XXYLT1: variants seen among roughly 807,000 people sequenced by gnomAD.
XXYLT1 encodes the protein UDP-xylose:alpha-xyloside alpha-1,3-xylosyltransferase.
Under a neutral mutation model 28.9 loss-of-function variants are expected in XXYLT1, and 20 were observed. That is an observed-to-expected ratio of 0.69 (90% confidence interval 0.49 to 1.00). The LOEUF (loss-of-function observed/expected upper bound fraction) is 1.00. XXYLT1 is among the 50% of genes least tolerant of loss of function. The probability of loss-of-function intolerance (pLI) is 0.00; values close to 1 mark genes in which losing one functional copy is unlikely to be tolerated. For missense variants in XXYLT1, 542 were observed against 560.1 expected, an observed-to-expected ratio of 0.97 and a Z score of 0.33; for synonymous variants, 257 against 253.8, an observed-to-expected ratio of 1.01 and a Z score of -0.12.
intron 2 of XXYLT1, among the ~76,000 whole-genome samples, chr3:195,197,478 T>A (rs1156469510): frequency 4.0e-5 from 6 of 150,798 alleles, no homozygotes; most frequent in Non-Finnish European, 8.8e-5. Flanking sequence ...TATTTCAAAG[T>A]GTCTTCAAAG....
intron 2 of XXYLT1, chr3:195,175,550 G>A (rs1721622170): frequency 6.5e-7 from 1 of 1,530,710 alleles, no homozygotes; most frequent in African/African-American, 1.4e-5. Context: ...AGATTCCTAG[G>A]GGTAGTTAGG....
chr3:195,208,859 C>A (rs1286096877), intron 2 of XXYLT1, among the ~76,000 whole-genome samples: 1 of 152,072 alleles, frequency 6.6e-6, no homozygotes, highest in Non-Finnish European at 1.5e-5. Flanking sequence ...GCCACGACAC[C>A]CAGCAGGGGG....
intron 2 of XXYLT1, among the ~76,000 whole-genome samples, chr3:195,179,574 C>A (rs909637452): frequency 6.6e-6 from 1 of 152,016 alleles, no homozygotes; most frequent in Non-Finnish European, 1.5e-5. Flanking sequence ...AAGAGGCCTG[C>A]GTGTGTGGAG....
chr3:195,088,292 A>C (rs1715896146), intron 3 of XXYLT1, among the ~76,000 whole-genome samples: 1 of 149,526 alleles, frequency 6.7e-6, no homozygotes, highest in Non-Finnish European at 1.5e-5. Context: ...CCTGTCTGAC[A>C]GCTTTGAAGA....
At chr3:195,201,299 T>C (rs778107082) in intron 2 of XXYLT1, among the ~76,000 whole-genome samples, 1 of 152,154 alleles carries the variant, frequency 6.6e-6, no homozygotes, top group African/African-American at 2.4e-5. Context: ...GGAAGGGCCC[T>C]TGCTCCCAGC....
chr3:195,115,385 G>A lies in XXYLT1; in HGVS notation c.785+41064C>T, dbSNP rs777576034. Among the ~76,000 whole-genome samples the A allele has an allele frequency of 6.6e-6, 1 of 152,130 alleles. No homozygotes were observed. Among genetic ancestry groups the A allele is most frequent in the Non-Finnish European group, 1.5e-5 (1 of 68,024 alleles). ...CCTAGAGAGTCCAGGAATGGCTGTG[G>A]GCTGGCAACAGCTGCTTCTGAACTA... is the stretch of plus-strand genomic sequence containing the variant. On this transcript the variant is annotated intron_variant, in intron 3 of 3. Coordinates refer to ENST00000310380, the MANE Select transcript of XXYLT1 (RefSeq NM_152531.5). This position sits in a 1 kb window ranked among gnomAD's most constrained non-coding sequence, Gnocchi z 4.2.
rs998296031 is a variant in XXYLT1 at position 195,124,533 on chromosome 3, G to A, written c.785+31916C>T. ...CCTCCCCCTCTAGACTGTGAATTCC[G>A]TGGGGGCAAGGACCACGTTTGTTTT... On this transcript the variant is annotated intron_variant, in intron 3 of 3. Transcript: ENST00000310380. The surrounding 1 kb of genome is among the most constrained non-coding windows in gnomAD (Gnocchi z 4.1). Among the ~76,000 whole-genome samples the A allele has an allele frequency of 2.0e-5, 3 of 152,148 alleles. No individual in the cohort carries two copies. Among genetic ancestry groups the A allele is most frequent in the African/African-American group, 4.8e-5 (2 of 41,430 alleles).
At chr3:195,109,665 G>GGTATA (rs1717372530) in intron 3 of XXYLT1, among the ~76,000 whole-genome samples, 1 of 138,272 alleles carries the variant, frequency 7.2e-6, no homozygotes, top group Non-Finnish European at 1.6e-5. Context: ...GTGCGTGTGT[G>GGTATA]TGGTGTGTGT....
chr3:195,240,613 C>A lies in XXYLT1; in HGVS notation c.505-13757G>T, dbSNP rs77659640. 0.031 allele frequency among the ~76,000 whole-genome samples: 4,710 copies of A among 152,378 alleles called. 142 individuals are homozygous for A. The highest frequency in any genetic ancestry group is 0.1 in the East Asian group (538 of 5,188). On this transcript the variant is annotated intron_variant, in intron 1 of 3. Transcript: ENST00000310380. This position sits in a 1 kb window ranked among gnomAD's most constrained non-coding sequence, Gnocchi z 4.7. ...CCAAGGCCTGTTTGAAGAACAGCCA[C>A]TCCTCTGGCCACAGACAGCAACGCC...
intron 2 of XXYLT1, chr3:195,175,781 C>T: frequency 1.3e-6 from 2 of 1,506,186 alleles, no homozygotes; most frequent in African/African-American, 1.4e-5. Context: ...CTGGAAGCCA[C>T]ATGCTCCAGA....
At chr3:195,204,468 A>ACTCTCTCT (rs1316535464) in intron 2 of XXYLT1, among the ~76,000 whole-genome samples, 2 of 114,840 alleles carry the variant, frequency 1.7e-5, no homozygotes, top group African/African-American at 7.6e-5. Context: ...ACACACACTC[A>ACTCTCTCT]CTCTCTCACT....
At chr3:195,141,182 C>T (rs1348847210) in intron 3 of XXYLT1, among the ~76,000 whole-genome samples, 1 of 152,186 alleles carries the variant, frequency 6.6e-6, no homozygotes, top group Non-Finnish European at 1.5e-5. Context: ...TTACAGTAGC[C>T]TGAACTAAGA....
chr3:195,074,758 T>A (rs937008091), intron 3 of XXYLT1, among the ~76,000 whole-genome samples: 2 of 152,134 alleles, frequency 1.3e-5, no homozygotes, highest in African/African-American at 4.8e-5. Context: ...CTTCAGTCCT[T>A]TAGGGGAACC....
chr3:195,078,787 C>T lies in XXYLT1; in HGVS notation c.786-8676G>A, dbSNP rs117586509. ...CCTCCCCACCTCCCATCGCACCATCCGGCTGGCAGCTCCTTGCTCGCCGCC... is the reference window on the plus strand; with the variant it reads ...CCTCCCCACCTCCCATCGCACCATCTGGCTGGCAGCTCCTTGCTCGCCGCC... On this transcript the variant is annotated intron_variant, in intron 3 of 3. Transcript: ENST00000310380. The surrounding 1 kb of genome is among the most constrained non-coding windows in gnomAD (Gnocchi z 5.0). Among the ~76,000 whole-genome samples the T allele has an allele frequency of 3.0e-4, 45 of 152,058 alleles. No homozygotes were observed. In the East Asian group the frequency reaches 7.3e-3, roughly 25 times the overall value.
intron 3 of XXYLT1, among the ~76,000 whole-genome samples, chr3:195,128,374 C>T (rs977766470): frequency 3.9e-5 from 6 of 152,178 alleles, no homozygotes; most frequent in African/African-American, 1.4e-4. Context: ...AATCTCATCT[C>T]AGCCCCAGGT....
chr3:195,137,012 C>T (rs1478886132), intron 3 of XXYLT1, among the ~76,000 whole-genome samples: 5 of 152,162 alleles, frequency 3.3e-5, no homozygotes, highest in African/African-American at 9.7e-5. Flanking sequence ...CACTGCAACT[C>T]GTTCGAGTCC....
chr3:195,084,754 C>T (rs903287207), intron 3 of XXYLT1, among the ~76,000 whole-genome samples: 1 of 152,210 alleles, frequency 6.6e-6, no homozygotes, highest in Non-Finnish European at 1.5e-5. Flanking sequence ...AACCCAACCC[C>T]AGGGATTCAT....
chr3:195,113,639 C>A (rs1349810247), intron 3 of XXYLT1, among the ~76,000 whole-genome samples: 1 of 152,100 alleles, frequency 6.6e-6, no homozygotes, highest in Non-Finnish European at 1.5e-5. Context: ...GTTTCATGAG[C>A]TTTTTGCTTT....
At chr3:195,141,362 T>A (rs1319367599) in intron 3 of XXYLT1, among the ~76,000 whole-genome samples, 1 of 152,214 alleles carries the variant, frequency 6.6e-6, no homozygotes, top group African/African-American at 2.4e-5. Context: ...TTCCAAATAC[T>A]TGCATAGTTT....
Sources: gnomAD v4.1 joint callset for allele counts (sites outside exome capture counted in the v4.1 genomes callset) on GRCh38, gnomAD v4.1.1 for gene constraint, Gnocchi (gnomAD v3.1) non-coding constraint, MANE v1.5 for transcripts, NCBI Gene and HGNC (gene_info 2026-07-23, HGNC 2026-07-21) for gene names.